NALCN: variants seen among roughly 807,000 people sequenced by gnomAD.
NALCN encodes the protein sodium leak channel NALCN.
NALCN carries 111 observed loss-of-function variants against 225.3 expected under a neutral mutation model. That is an observed-to-expected ratio of 0.49 (90% confidence interval 0.42 to 0.58). The LOEUF is 0.58. Among genes scored for constraint, NALCN ranks in the 20% least tolerant of loss-of-function variants. The pLI is 0.00. For synonymous variants in NALCN, 764 were observed against 769.0 expected (o/e 0.99, Z 0.11); for missense variants, 1,378 against 2,202.4 (o/e 0.63, Z 7.49).
chr13:101,343,306 C>T lies in NALCN; in HGVS notation c.799+1960G>A, dbSNP rs1031145858. Among the ~76,000 whole-genome samples the T allele has an allele frequency of 5.9e-5, 9 of 152,072 alleles. 1 individual carries two copies. Among genetic ancestry groups the T allele is most frequent in the African/African-American group, 2.2e-4 (9 of 41,398 alleles). Reference sequence around the variant, plus strand: ...AACATTTCATTATCTAACAATTAGTCATACAGTGATGATGAATTTGGGAAA... The same window carrying T: ...AACATTTCATTATCTAACAATTAGTTATACAGTGATGATGAATTTGGGAAA... On this transcript the variant is annotated intron_variant, in intron 7 of 43. Transcript: ENST00000251127.
At chr13:101,224,536 C>G (rs1261963270) in intron 13 of NALCN, among the ~76,000 whole-genome samples, 1 of 152,200 alleles carries the variant, frequency 6.6e-6, no homozygotes, top group Non-Finnish European at 1.5e-5. Context: ...TGCTGCAAAG[C>G]TAACTCTTCC....
intron 13 of NALCN, among the ~76,000 whole-genome samples, chr13:101,200,434 A>AT (rs2040069493): frequency 6.6e-6 from 1 of 151,954 alleles, no homozygotes; most frequent in Non-Finnish European, 1.5e-5. Flanking sequence ...AACAGATAAC[A>AT]TTTTTCCCCT....
At chr13:101,368,404 T>G (rs898927151) in intron 6 of NALCN, 11 of 152,052 alleles carry the variant, frequency 7.2e-5, no homozygotes, top group Admixed American at 6.6e-4. Flanking sequence ...AGTCTATCAT[T>G]GTTGGACATT....
Position 101,272,976 on chromosome 13 carries a change from T to C in NALCN, c.1134+10957A>G, listed in dbSNP as rs1384632552. On this transcript the variant is annotated intron_variant, in intron 10 of 43. Coordinates refer to ENST00000251127, the MANE Select transcript of NALCN (RefSeq NM_052867.4). ...ACTGAAGGAATAATTTCGCCACCGT[T>C]TGACCTACTTTCAGCAAGCACCTGT... Among the ~76,000 whole-genome samples, 3 of 152,230 alleles carry C rather than the reference T, an allele frequency of 2.0e-5. No homozygotes were observed. In the East Asian group the frequency reaches 5.8e-4, roughly 29 times the overall value.
chr13:101,303,040 C>T (rs976537606), intron 7 of NALCN, among the ~76,000 whole-genome samples: 2 of 152,086 alleles, frequency 1.3e-5, no homozygotes, highest in Admixed American at 1.3e-4. Flanking sequence ...CAGAACTCTA[C>T]AGAGGTGAGA....
rs182288334 is a variant in NALCN, at chr13:101,404,313, G to A, written c.-39-5148C>T. Among the ~76,000 whole-genome samples the A allele has an allele frequency of 2.4e-3, 368 of 152,284 alleles. 2 individuals carry two copies. The highest frequency in any genetic ancestry group is 8.5e-3 in the African/African-American group (352 of 41,558). ...TGCAAAAATCCAGGAGAGCTGACTGGTCTTTCTTTGCCTAGATCTCAAATA... is the reference window on the plus strand; with the variant it reads ...TGCAAAAATCCAGGAGAGCTGACTGATCTTTCTTTGCCTAGATCTCAAATA... On this transcript the variant is annotated intron_variant, in intron 1 of 43. Transcript: ENST00000251127.
intron 6 of NALCN, among the ~76,000 whole-genome samples, chr13:101,361,694 C>T (rs567190382): frequency 9.2e-5 from 14 of 152,150 alleles, no homozygotes; most frequent in African/African-American, 3.4e-4. Flanking sequence ...TGGAACATAA[C>T]TTATCGGGTT....
At chr13:101,364,826 G>A (rs1169718220) in intron 6 of NALCN, among the ~76,000 whole-genome samples, 2 of 151,936 alleles carry the variant, frequency 1.3e-5, no homozygotes, top group Admixed American at 1.3e-4. Flanking sequence ...TCAATGTATC[G>A]AAATATCATA....
chr13:101,300,319 C>CTTCTTT (rs1185888074), intron 7 of NALCN, among the ~76,000 whole-genome samples: 1 of 149,440 alleles, frequency 6.7e-6, no homozygotes, highest in African/African-American at 2.5e-5. Flanking sequence ...TCTTCTTCCT[C>CTTCTTT]TTCTTTTCCT....
chr13:101,269,211 C>CATATATATAT (rs60240326), intron 10 of NALCN, among the ~76,000 whole-genome samples: 35 of 145,556 alleles, frequency 2.4e-4, no homozygotes, highest in Admixed American at 1.2e-3. Context: ...AGAAAAAGCT[C>CATATATATAT]ATATATATAT....
At position 101,106,179 on chromosome 13, in the gene NALCN, T is replaced by C. The variant is rs537365470; in HGVS notation, c.2580-1229A>G. On this transcript the variant is annotated intron_variant, in intron 22 of 43. Transcript: ENST00000251127. ...CTTCGCAAGGTCTTCTCTCTGTATATGTCTGTGTCCAAATGTTCTCTTAAG... is the reference window on the plus strand; with the variant it reads ...CTTCGCAAGGTCTTCTCTCTGTATACGTCTGTGTCCAAATGTTCTCTTAAG... Among the ~76,000 whole-genome samples the C allele has an allele frequency of 7.9e-5, 12 of 152,248 alleles. No individual in the cohort carries two copies. The East Asian group carries it at 9.7e-4, about 12-fold the overall frequency.
At chr13:101,067,452 G>A (rs1394656864) in intron 39 of NALCN, among the ~76,000 whole-genome samples, 1 of 152,142 alleles carries the variant, frequency 6.6e-6, no homozygotes, top group African/African-American at 2.4e-5. Context: ...AAGAAACCTT[G>A]GGTAAACTTT....
chr13:101,077,594 A>G (rs1161510880), intron 34 of NALCN, among the ~76,000 whole-genome samples: 1 of 152,186 alleles, frequency 6.6e-6, no homozygotes, highest in Non-Finnish European at 1.5e-5. Flanking sequence ...GGAACTTTGA[A>G]TTTAAGAGAG....
rs536130098 is a variant in NALCN at position 101,415,210 on chromosome 13, T to C, written c.-40+1103A>G. On this transcript the variant is annotated intron_variant, in intron 1 of 43. Coordinates refer to ENST00000251127, the MANE Select transcript of NALCN (RefSeq NM_052867.4). The stretch of plus-strand genomic sequence containing the variant: ...GTTATGAACATACAAATCACACACA[T>C]ATATATATATATATACATACATATA... Among the ~76,000 whole-genome samples the C allele has an allele frequency of 7.7e-3, 558 of 72,468 alleles. 39 individuals are homozygous for C. Among genetic ancestry groups the C allele is most frequent in the Non-Finnish European group, 9.0e-3 (339 of 37,740 alleles). The allele number at this position is 72,468 out of a possible 152,430, so 47.5% of individuals were successfully genotyped here. A position where few individuals can be genotyped will look rare whatever the true frequency, so the allele number is the denominator to read the frequency against.
At chr13:101,270,182 A>C (rs2042729907) in intron 10 of NALCN, among the ~76,000 whole-genome samples, 1 of 152,152 alleles carries the variant, frequency 6.6e-6, no homozygotes, top group Non-Finnish European at 1.5e-5. Context: ...ACTTTGACAA[A>C]AGGTGCTTTC....
At chr13:101,372,311 G>A (rs1443359122) in intron 6 of NALCN, among the ~76,000 whole-genome samples, 3 of 152,114 alleles carry the variant, frequency 2.0e-5, no homozygotes, top group South Asian at 4.1e-4. Context: ...AACCAAGAAG[G>A]ATAGAAATAC....
rs1354215007 is a variant in NALCN at position 101,089,941 on chromosome 13, C to T, written c.3295G>A (p.Asp1099Asn). Reference protein sequence around the residue: ...VWANPRNFNFDNVGNAMLALF... With the variant: ...VWANPRNFNFNNVGNAMLALF... ...GCCAGCATAGCGTTTCCCACATTGTCGAAATTAAAGTTCCGAGGATTCGCC... is the reference window on the plus strand; with the variant it reads ...GCCAGCATAGCGTTTCCCACATTGTTGAAATTAAAGTTCCGAGGATTCGCC... Residue 1099 changes from aspartate to asparagine, a missense_variant, in exon 29 of 44, where the codon GAC (aspartate) becomes AAC (asparagine). Physicochemically the swap from Asp to Asn is conservative, Grantham distance 23. Transcript: ENST00000251127. The surrounding 1 kb of genome is among the most constrained non-coding windows in gnomAD (Gnocchi z 4.7). 1.2e-6 allele frequency: 2 copies of T among 1,613,922 alleles called. No individual in the cohort carries two copies. Among genetic ancestry groups the T allele is most frequent in the Admixed American group, 1.7e-5 (1 of 60,006 alleles).
At chr13:101,268,581 T>C (rs891021127) in intron 10 of NALCN, among the ~76,000 whole-genome samples, 2 of 152,176 alleles carry the variant, frequency 1.3e-5, no homozygotes, top group Non-Finnish European at 2.9e-5. Flanking sequence ...AGACTCCTTA[T>C]CAATCATAAT....
intron 34 of NALCN, among the ~76,000 whole-genome samples, chr13:101,078,621 A>G (rs1468620188): frequency 6.6e-6 from 1 of 152,214 alleles, no homozygotes; most frequent in Admixed American, 6.5e-5. Context: ...CCCCCATTGT[A>G]TCTAGGAAGT....
Sources: allele counts gnomAD v4.1 joint callset (sites outside exome capture counted in the v4.1 genomes callset), GRCh38; gene constraint gnomAD v4.1.1; non-coding constraint Gnocchi (gnomAD v3.1); transcripts MANE v1.5; gene names NCBI Gene and HGNC (gene_info 2026-07-23, HGNC 2026-07-21).